SH2B2: variants seen among roughly 807,000 people sequenced by gnomAD.
SH2B2 encodes SH2B adapter protein 2.
SH2B2 carries 37 observed loss-of-function variants against 35.7 expected under a neutral mutation model. That is an observed-to-expected ratio of 1.04 (90% confidence interval 0.80 to 1.36). The LOEUF is 1.36. Ranked by LOEUF, SH2B2 falls within the 40% of genes most tolerant of loss-of-function variation. SH2B2 has a pLI of 0.00. For synonymous variants in SH2B2, 383 were observed against 376.4 expected, an observed-to-expected ratio of 1.02 and a Z score of -0.20; for missense variants, 852 against 817.7, an observed-to-expected ratio of 1.04 and a Z score of -0.51.
intron 1 of SH2B2, among the ~76,000 whole-genome samples, chr7:102,288,211 G>A (rs1362579559): frequency 6.6e-6 from 1 of 152,032 alleles, no homozygotes; most frequent in African/African-American, 2.4e-5. Flanking sequence ...GTCCCACCTT[G>A]AACTCTCCCA....
intron 3 of SH2B2, 126 bp from the exon 4 acceptor site, chr7:102,308,689 C>G: frequency 1.4e-6 from 1 of 736,984 alleles, no homozygotes; most frequent in Non-Finnish European, 2.4e-6. Flanking sequence ...TTTCCTGCTG[C>G]TCATGCCCTT....
In SH2B2 at chr7:102,321,558, C is replaced by G; in HGVS notation, c.1827C>G (p.Thr609=). 8.7e-7 allele frequency: 1 copy of G among 1,150,798 alleles called. No individual in the cohort carries two copies. Among genetic ancestry groups the G allele is most frequent in the South Asian group, 4.0e-5 (1 of 25,046 alleles). The allele number at this position is 1,150,798 out of a possible 1,614,324, so 71.3% of individuals were successfully genotyped here. ...AERLLEAVAA[T]AAEEPPEAAP... ...GCCTGCTGGAGGCCGTGGCCGCCAC[C>G]GCCGCCGAGGAGCCCCCGGAGGCCG... Residue 609 remains threonine (T), a synonymous_variant, in exon 9 of 9, where the codon ACC becomes ACG. Transcript: ENST00000444095.
chr7:102,302,957 A>C lies in SH2B2; in HGVS notation c.729+1678A>C, dbSNP rs574203884. 4.6e-4 allele frequency among the ~76,000 whole-genome samples: 70 copies of C among 152,126 alleles called. 1 individual carries two copies. Among genetic ancestry groups the C allele is most frequent in the Admixed American group, 9.8e-4 (15 of 15,268 alleles). Reference sequence around the variant, plus strand: ...AAACAAAACAAAAAACTGGGGGCCGAGCGCGGTGGCTCATGCCTGTAATCC... The same window carrying C: ...AAACAAAACAAAAAACTGGGGGCCGCGCGCGGTGGCTCATGCCTGTAATCC... On this transcript the variant is annotated intron_variant, in intron 2 of 8. Coordinates refer to ENST00000444095, the MANE Select transcript of SH2B2 (RefSeq NM_001359228.2).
intron 7 of SH2B2, 109 bp from the exon 8 acceptor site, chr7:102,320,222 A>C: frequency 1.1e-6 from 1 of 906,026 alleles, no homozygotes; most frequent in Non-Finnish European, 1.7e-6. Context: ...GCCCTGACAC[A>C]GCCCCATACA....
chr7:102,297,429 ACG>A lies in SH2B2; in HGVS notation c.-29-3091_-29-3090del, dbSNP rs1476365825. Among the ~76,000 whole-genome samples, 4 of 149,394 alleles carry A rather than the reference ACG, an allele frequency of 2.7e-5. No individual in the cohort carries two copies. Among genetic ancestry groups the A allele is most frequent in the Non-Finnish European group, 6.0e-5 (4 of 67,190 alleles). On this transcript the variant is annotated intron_variant, in intron 1 of 8. Coordinates refer to ENST00000444095, the MANE Select transcript of SH2B2 (RefSeq NM_001359228.2). The surrounding 1 kb of genome is among the most constrained non-coding windows in gnomAD (Gnocchi z 4.3). ...CACACACACACACACACACACACAC[ACG>A]CAGTATACAGAGGTTCAGTATTAGC...
In SH2B2 at chr7:102,318,731, TCTC is replaced by T. The variant is rs1793951630; in HGVS notation, c.1395+1344_1395+1346del. Among the ~76,000 whole-genome samples, 3 of 152,140 alleles carry T rather than the reference TCTC, an allele frequency of 2.0e-5. No individual in the cohort carries two copies. In the South Asian group the frequency reaches 6.2e-4, roughly 32 times the overall value. On this transcript the variant is annotated intron_variant, in intron 7 of 8. Coordinates refer to ENST00000444095, the MANE Select transcript of SH2B2 (RefSeq NM_001359228.2). ...TCAGTGCAGAACCTCTGGTGGCTTCTCTCCTCCTCCAGGTTGGCCCCACCATGC... is the reference window on the plus strand; with the variant it reads ...TCAGTGCAGAACCTCTGGTGGCTTCTCTCCTCCAGGTTGGCCCCACCATGC...
intron 3 of SH2B2, 150 bp from the exon 4 acceptor site, chr7:102,308,665 G>T: frequency 2.9e-6 from 2 of 678,084 alleles, no homozygotes; most frequent in South Asian, 1.7e-5. Context: ...GTGCCCGATG[G>T]TGACCCCACT....
chr7:102,288,168 G>C (rs1554551162), intron 1 of SH2B2, among the ~76,000 whole-genome samples: 1 of 152,058 alleles, frequency 6.6e-6, no homozygotes, highest in Non-Finnish European at 1.5e-5. Context: ...AAGAGGTTTT[G>C]ACTGCCTCTT....
upstream of SH2B2, among the ~76,000 whole-genome samples, chr7:102,285,490 C>G (rs1002660513): frequency 6.6e-6 from 1 of 152,188 alleles, no homozygotes; most frequent in Non-Finnish European, 1.5e-5. Flanking sequence ...CCTGGTCCTG[C>G]GGAGGGAACA....
chr7:102,321,229 G>A (rs977447557), intron 8 of SH2B2, 70 bp from the exon 9 acceptor site: 7 of 1,252,510 alleles, frequency 5.6e-6, no homozygotes, highest in Admixed American at 4.3e-5. Context: ...CCCCTTGAGG[G>A]ATCCCGGCCT....
chr7:102,288,983 A>C (rs74463676), intron 1 of SH2B2, among the ~76,000 whole-genome samples: 4,981 of 152,182 alleles, frequency 0.033, 288 homozygotes, highest in African/African-American at 0.11. Flanking sequence ...TTACTGTCCA[A>C]GTGAGGCCAG....
rs868933039 is a variant in SH2B2 at position 102,300,879 on chromosome 7, C to T, written c.329C>T (p.Ala110Val). 1.4e-6 allele frequency: 2 copies of T among 1,460,528 alleles called. No homozygotes were observed. The highest frequency in any genetic ancestry group is 1.8e-6 in the Non-Finnish European group (2 of 1,109,600). The allele number at this position is 1,460,528 out of a possible 1,614,324, so 90.5% of individuals were successfully genotyped here. The change falls in exon 2 of 9, where the codon GCG becomes GTG. Residue 110 changes from alanine to valine, a missense_variant. Ala to Val is a moderately conservative substitution (Grantham distance 64). Transcript: ENST00000444095. ...GCGGACACCTCTGCACTCAAGGCGG[C>T]GCCCTACGGCCACTCGCGGAGCTCG... ...ELADTSALKA[A>V]PYGHSRSSED...
rs1204146777 is a variant in SH2B2 at position 102,314,433 on chromosome 7, T to C, written c.1015+6T>C. The C allele has an allele frequency of 2.5e-6, 1 of 398,576 alleles. No homozygotes were observed. Among genetic ancestry groups the C allele is most frequent in the East Asian group, 3.6e-5 (1 of 28,088 alleles). 24.7% of individuals were successfully genotyped at this position (398,576 alleles called of 1,614,324 possible). On this transcript the variant is annotated splice_donor_region_variant and intron_variant, in intron 5 of 8. Transcript: ENST00000444095. ...CTGTGAGCTCCTGACTGATGGTAGG[T>C]AGGGGGACAGGGTTGAAGGAGGGGC...
intron 6 of SH2B2, 42 bp from the exon 7 acceptor site, chr7:102,317,145 C>T (rs1210044303): frequency 1.4e-6 from 2 of 1,477,854 alleles, no homozygotes; most frequent in Admixed American, 4.1e-5. Context: ...GTCCCCCTTT[C>T]TCCTTCCCCC....
At chr7:102,304,273 G>T (rs1793307184) in intron 2 of SH2B2, among the ~76,000 whole-genome samples, 1 of 152,076 alleles carries the variant, frequency 6.6e-6, no homozygotes. Context: ...CACAGCCTTT[G>T]AGGTGCCAGC....
upstream of SH2B2, chr7:102,285,204 C>A (rs803074): frequency 7.7e-6 from 12 of 1,550,862 alleles, no homozygotes; most frequent in African/African-American, 1.4e-5. Context: ...ATCTCAGGAC[C>A]CTCTCTGGCC....
chr7:102,311,650 C>G (rs1232640429), intron 4 of SH2B2, among the ~76,000 whole-genome samples: 1 of 151,460 alleles, frequency 6.6e-6, no homozygotes, highest in African/African-American at 2.4e-5. Flanking sequence ...ACCCGCCTGC[C>G]TCGGCCTCCC....
At chr7:102,285,203 C>G, upstream of SH2B2, 1 of 1,551,240 alleles carries the variant, frequency 6.4e-7, no homozygotes, top group Non-Finnish European at 8.7e-7. Flanking sequence ...CATCTCAGGA[C>G]CCTCTCTGGC....
chr7:102,306,781 C>A lies in SH2B2; in HGVS notation c.790C>A (p.Pro264Thr). ...SAIIEVRTTM[P>T]LEMPEKDNTF... ...CATCATTGAGGTCCGCACCACCATG[C>A]CCCTGGAAATGCCAGAGAAGGATAA... is the stretch of plus-strand genomic sequence containing the variant. Residue 264 changes from proline to threonine, a missense_variant, in exon 3 of 9, where the codon CCC becomes ACC. Physicochemically the swap from Pro to Thr is conservative, Grantham distance 38 (BLOSUM62 -1). Around this residue, in one of 3 missense-constraint regions of SH2B2, gnomAD observed 556 missense variants for 514.5 expected, o/e 1.08. Coordinates refer to ENST00000444095, the MANE Select transcript of SH2B2 (RefSeq NM_001359228.2). 2 of 1,599,698 alleles carry A rather than the reference C, an allele frequency of 1.3e-6. No individual in the cohort carries two copies. The highest frequency in any genetic ancestry group is 1.1e-5 in the South Asian group (1 of 88,114).
Sources: allele counts gnomAD v4.1 joint callset (sites outside exome capture counted in the v4.1 genomes callset), GRCh38; gene constraint gnomAD v4.1.1; regional missense constraint gnomAD v4.1.1; non-coding constraint Gnocchi (gnomAD v3.1); transcripts MANE v1.5; gene names NCBI Gene and HGNC (gene_info 2026-07-23, HGNC 2026-07-21).